GPHN: variants seen among roughly 807,000 people sequenced by gnomAD.
GPHN encodes gephyrin.
GPHN carries 17 observed loss-of-function variants against 95.5 expected under a neutral mutation model. The ratio of observed to expected loss-of-function variants is 0.18; its 90% CI spans 0.12 to 0.27. The LOEUF (loss-of-function observed/expected upper bound fraction) is 0.27. Among genes scored for constraint, GPHN ranks in the 10% least tolerant of loss-of-function variants. The probability of loss-of-function intolerance (pLI) is 1.00; values close to 1 mark genes in which losing one functional copy is unlikely to be tolerated. For missense variants in GPHN, 660 were observed against 978.1 expected, an observed-to-expected ratio of 0.67 and a Z score of 4.34; for synonymous variants, 320 against 322.5, an observed-to-expected ratio of 0.99 and a Z score of 0.08.
chr14:67,681,211 G>A, the GPHN span, among the ~76,000 whole-genome samples: 1 of 152,216 alleles, frequency 6.6e-6, no homozygotes, highest in African/African-American at 2.4e-5. Flanking sequence ...TCAGAGAGAA[G>A]GCATCCATTT....
chr14:66,939,513 G>A (rs2067299239), intron 8 of GPHN, among the ~76,000 whole-genome samples: 2 of 152,078 alleles, frequency 1.3e-5, no homozygotes, highest in African/African-American at 4.8e-5. Context: ...AGAGAATCCT[G>A]CTAGCAGGTT....
chr14:66,824,257 A>T (rs192065299), intron 3 of GPHN, among the ~76,000 whole-genome samples: 1 of 152,308 alleles, frequency 6.6e-6, no homozygotes, highest in East Asian at 1.9e-4. Flanking sequence ...TGATACTTGC[A>T]TCCTCATTTT....
the GPHN span, chr14:67,228,360 A>G: frequency 1.9e-6 from 1 of 518,360 alleles, no homozygotes; most frequent in Non-Finnish European, 2.5e-6. Context: ...GTTAACAGTA[A>G]TAACACTAAA....
chr14:66,631,811 A>G (rs1355747231), intron 1 of GPHN, among the ~76,000 whole-genome samples: 4 of 152,264 alleles, frequency 2.6e-5, no homozygotes, highest in African/African-American at 9.6e-5. Context: ...GAAATTTCCC[A>G]CTAAAGAATC....
At chr14:67,057,215 C>T (rs1331892827) in intron 10 of GPHN, among the ~76,000 whole-genome samples, 2 of 152,192 alleles carry the variant, frequency 1.3e-5, no homozygotes, top group Non-Finnish European at 2.9e-5. Context: ...GGGCTGCTAG[C>T]ATATTGTCAC....
the GPHN span, among the ~76,000 whole-genome samples, chr14:67,322,948 T>C: frequency 1.3e-5 from 2 of 152,204 alleles, no homozygotes; most frequent in Admixed American, 6.5e-5. Context: ...TTTCTTGAAT[T>C]GTCTTGCACA....
At chr14:67,046,127 A>T (rs755926662) in intron 10 of GPHN, among the ~76,000 whole-genome samples, 1 of 151,570 alleles carries the variant, frequency 6.6e-6, no homozygotes. Context: ...TTTAGTATAT[A>T]TTCATAAATT....
chr14:67,258,811 T>C, the GPHN span, among the ~76,000 whole-genome samples: 1 of 152,168 alleles, frequency 6.6e-6, no homozygotes, highest in East Asian at 1.9e-4. Flanking sequence ...CTTTAATCAT[T>C]CTTTTCTTTT....
intron 4 of GPHN, among the ~76,000 whole-genome samples, chr14:66,843,936 A>G (rs2062204021): frequency 6.6e-6 from 1 of 152,110 alleles, no homozygotes; most frequent in African/African-American, 2.4e-5. Context: ...TCCATATACT[A>G]AAATTATTTC....
At chr14:67,711,443 C>T in the GPHN span, among the ~76,000 whole-genome samples, 1 of 152,174 alleles carries the variant, frequency 6.6e-6, no homozygotes, top group African/African-American at 2.4e-5. Flanking sequence ...AAATATTTTA[C>T]TTAAGTTACA....
chr14:66,623,331 G>GT (rs2063384213), intron 1 of GPHN, among the ~76,000 whole-genome samples: 3 of 152,276 alleles, frequency 2.0e-5, no homozygotes, highest in Admixed American at 2.0e-4. Context: ...AATTGTAGGA[G>GT]TTACAATTGA....
At chr14:67,723,895 C>T in the GPHN span, among the ~76,000 whole-genome samples, 1 of 152,192 alleles carries the variant, frequency 6.6e-6, no homozygotes, top group African/African-American at 2.4e-5. Context: ...TTGCCATCGG[C>T]CAGAATGAAA....
the GPHN span, chr14:67,376,364 T>G: frequency 7.3e-7 from 1 of 1,363,942 alleles, no homozygotes; most frequent in Admixed American, 2.5e-5. Context: ...CAAATTATGT[T>G]ATTTACTAAA....
chr14:66,646,901 A>T (rs2064779654), intron 1 of GPHN, among the ~76,000 whole-genome samples: 1 of 151,800 alleles, frequency 6.6e-6, no homozygotes, highest in Non-Finnish European at 1.5e-5. Flanking sequence ...TATTTTTAAA[A>T]TTTTATTTTT....
the GPHN span, chr14:67,592,428 ACT>A: frequency 3.8e-6 from 2 of 531,560 alleles, no homozygotes; most frequent in South Asian, 2.3e-5. Context: ...ACAAAGTGAG[ACT>A]CTGTCTCTAA....
At chr14:66,735,231 G>A (rs553232204) in intron 2 of GPHN, among the ~76,000 whole-genome samples, 36 of 152,124 alleles carry the variant, frequency 2.4e-4, no homozygotes, top group Non-Finnish European at 8.8e-5. Flanking sequence ...AGCAACATCT[G>A]TCAGATACTA....
chr14:66,770,951 C>A (rs2059145511), intron 2 of GPHN, among the ~76,000 whole-genome samples: 1 of 152,062 alleles, frequency 6.6e-6, no homozygotes, highest in Non-Finnish European at 1.5e-5. Flanking sequence ...CAGTATAGAT[C>A]TTGGAACATA....
chr14:66,687,650 C>T (rs1034765541), intron 2 of GPHN, among the ~76,000 whole-genome samples: 7 of 151,694 alleles, frequency 4.6e-5, no homozygotes, highest in East Asian at 1.9e-4. Flanking sequence ...CCACCATGCC[C>T]GGCTAATTTT....
chr14:66,895,443 C>T (rs544992000), intron 5 of GPHN, among the ~76,000 whole-genome samples: 242 of 152,126 alleles, frequency 1.6e-3, no homozygotes, highest in African/African-American at 5.3e-3. Flanking sequence ...ACCAACATGG[C>T]ACATGTATAC....
Sources: gnomAD v4.1 joint callset for allele counts (sites outside exome capture counted in the v4.1 genomes callset) on GRCh38, gnomAD v4.1.1 for gene constraint, MANE v1.5 for transcripts, NCBI Gene and HGNC (gene_info 2026-07-23, HGNC 2026-07-21) for gene names.